LYPD6B: variants seen among roughly 807,000 people sequenced by gnomAD.
LYPD6B encodes the protein LY6/PLAUR domain containing 6B, also known as ly6/PLAUR domain-containing protein 6B.
In LYPD6B, 17 loss-of-function variants were observed where a neutral mutation model predicts 22.8. The ratio of observed to expected loss-of-function variants is 0.75; its 90% CI spans 0.51 to 1.12. The LOEUF (loss-of-function observed/expected upper bound fraction) is 1.12. Ranked by LOEUF, LYPD6B falls within the 50% of genes most tolerant of loss-of-function variation. LYPD6B has a pLI of 0.00. For synonymous variants in LYPD6B, 106 were observed against 91.6 expected, an observed-to-expected ratio of 1.16 and a Z score of -0.90; for missense variants, 221 against 258.3, an observed-to-expected ratio of 0.86 and a Z score of 0.99.
At chr2:149,176,289 G>C (rs1322570628) in intron 3 of LYPD6B, among the ~76,000 whole-genome samples, 1 of 152,184 alleles carries the variant, frequency 6.6e-6, no homozygotes, top group Admixed American at 6.5e-5. Flanking sequence ...GTATGTGCGT[G>C]TGTGCACACA....
At chr2:149,058,763 G>A (rs1683922513) in intron 1 of LYPD6B, among the ~76,000 whole-genome samples, 1 of 152,180 alleles carries the variant, frequency 6.6e-6, no homozygotes, top group South Asian at 2.1e-4. Flanking sequence ...GGGATGGCAG[G>A]CGTCTGCCAC....
At chr2:149,062,697 G>A (rs1684143416) in intron 1 of LYPD6B, among the ~76,000 whole-genome samples, 1 of 151,920 alleles carries the variant, frequency 6.6e-6, no homozygotes, top group African/African-American at 2.4e-5. Context: ...ATGTTATTTT[G>A]TTGAGTAAAA....
rs150377096 is a variant in LYPD6B, at chr2:149,123,234, T to C, written c.-66-7649T>C. Among the ~76,000 whole-genome samples the C allele has an allele frequency of 2.5e-4, 38 of 152,292 alleles. 1 individual carries two copies. Among genetic ancestry groups the C allele is most frequent in the South Asian group, 1.0e-3 (5 of 4,830 alleles). ...GCAGTGTGGTTTCAGCAGAACATCA[T>C]TCAGCATGTTAAATTAATCCTTTTA... is the stretch of plus-strand genomic sequence containing the variant. On this transcript the variant is annotated intron_variant, in intron 1 of 6. Transcript: ENST00000409642.
intron 3 of LYPD6B, among the ~76,000 whole-genome samples, chr2:149,193,719 C>A (rs1692636959): frequency 6.6e-6 from 1 of 151,834 alleles, no homozygotes; most frequent in African/African-American, 2.4e-5. Context: ...AAGTGAGAAG[C>A]CTTTTGTCAA....
chr2:149,079,103 T>C (rs1308230748), intron 1 of LYPD6B, among the ~76,000 whole-genome samples: 1 of 151,660 alleles, frequency 6.6e-6, no homozygotes, highest in African/African-American at 2.4e-5. Flanking sequence ...CCAGCAAATA[T>C]TACCATGGTG....
chr2:149,165,910 C>T (rs1690389973), intron 3 of LYPD6B, among the ~76,000 whole-genome samples: 1 of 152,100 alleles, frequency 6.6e-6, no homozygotes, highest in Admixed American at 6.6e-5. Flanking sequence ...TGGGTACACC[C>T]AAGTGACCAA....
intron 3 of LYPD6B, chr2:149,187,486 A>G: frequency 6.6e-7 from 1 of 1,514,594 alleles, no homozygotes; most frequent in Non-Finnish European, 8.8e-7. Context: ...AAGGAAATGC[A>G]GAAGAGATAT....
chr2:149,056,380 C>G (rs753753229), intron 1 of LYPD6B, among the ~76,000 whole-genome samples: 1 of 152,024 alleles, frequency 6.6e-6, no homozygotes, highest in East Asian at 1.9e-4. Flanking sequence ...CAAGTGGTTT[C>G]CATTAAAGAG....
Position 149,142,546 on chromosome 2 carries a change from C to T in LYPD6B, c.5+11593C>T, listed in dbSNP as rs576446354. Among the ~76,000 whole-genome samples the T allele has an allele frequency of 5.9e-5, 9 of 152,280 alleles. No individual in the cohort carries two copies. The South Asian group carries it at 1.9e-3, about 32-fold the overall frequency. ...CAAGTATTAAATTAGGGGAACAGGACAGGAGATACCGCATCCTTAAAATGC... is the reference window on the plus strand; with the variant it reads ...CAAGTATTAAATTAGGGGAACAGGATAGGAGATACCGCATCCTTAAAATGC... On this transcript the variant is annotated intron_variant, in intron 2 of 6. Transcript: ENST00000409642.
intron 3 of LYPD6B, among the ~76,000 whole-genome samples, chr2:149,163,538 G>C (rs542745849): frequency 2.6e-5 from 4 of 152,298 alleles, no homozygotes; most frequent in South Asian, 2.1e-4. Context: ...AATTGAGTAA[G>C]ATTGTTTTCA....
At chr2:149,098,778 T>C (rs1412952610) in intron 1 of LYPD6B, among the ~76,000 whole-genome samples, 1 of 151,090 alleles carries the variant, frequency 6.6e-6, no homozygotes, top group African/African-American at 2.4e-5. Context: ...TTTTTTTTTT[T>C]TTATCACACT....
chr2:149,213,852 G>T (rs759463466), intron 6 of LYPD6B, among the ~76,000 whole-genome samples: 1 of 152,094 alleles, frequency 6.6e-6, no homozygotes, highest in Non-Finnish European at 1.5e-5. Flanking sequence ...AAAGTTCCCC[G>T]AGGTGATTCT....
At chr2:149,057,010 C>A (rs917660619) in intron 1 of LYPD6B, among the ~76,000 whole-genome samples, 1 of 152,152 alleles carries the variant, frequency 6.6e-6, no homozygotes, top group African/African-American at 2.4e-5. Flanking sequence ...AACTAGGATG[C>A]CTGCAAAGTC....
intron 1 of LYPD6B, among the ~76,000 whole-genome samples, chr2:149,050,303 G>A (rs142346114): frequency 6.6e-6 from 1 of 152,178 alleles, no homozygotes; most frequent in African/African-American, 2.4e-5. Flanking sequence ...ACTAAGAAAT[G>A]TAATTCTCAA....
chr2:149,073,381 C>A (rs1684734668), intron 1 of LYPD6B, among the ~76,000 whole-genome samples: 2 of 152,284 alleles, frequency 1.3e-5, no homozygotes, highest in South Asian at 4.2e-4. Flanking sequence ...ACCCTTGTTT[C>A]CACCCTCATG....
At chr2:149,170,266 G>C (rs1019376992) in intron 3 of LYPD6B, among the ~76,000 whole-genome samples, 7 of 152,190 alleles carry the variant, frequency 4.6e-5, no homozygotes, top group Admixed American at 3.3e-4. Context: ...GTATTCATGG[G>C]GGATTTTAGT....
chr2:149,187,075 A>G (rs1692159295), intron 3 of LYPD6B, among the ~76,000 whole-genome samples: 1 of 152,224 alleles, frequency 6.6e-6, no homozygotes, highest in African/African-American at 2.4e-5. Flanking sequence ...TAAGGTAGGT[A>G]CAACTTAATA....
chr2:149,168,348 A>T (rs934845726), intron 3 of LYPD6B, among the ~76,000 whole-genome samples: 3 of 152,108 alleles, frequency 2.0e-5, no homozygotes, highest in African/African-American at 7.2e-5. Context: ...TCCAGTCCAC[A>T]GTAGCAGCCA....
At chr2:149,094,996 A>AT (rs1429304719) in intron 1 of LYPD6B, among the ~76,000 whole-genome samples, 1 of 152,184 alleles carries the variant, frequency 6.6e-6, no homozygotes, top group Non-Finnish European at 1.5e-5. Flanking sequence ...TAGTTAATAT[A>AT]TTAAAATAAA....
Sources: allele counts gnomAD v4.1 joint callset (sites outside exome capture counted in the v4.1 genomes callset), GRCh38; gene constraint gnomAD v4.1.1; transcripts MANE v1.5; gene names NCBI Gene and HGNC (gene_info 2026-07-23, HGNC 2026-07-21).